The following FGGY variants were observed in gnomAD, a reference collection of about 807,000 sequenced individuals.
FGGY encodes the protein FGGY carbohydrate kinase domain-containing protein.
A neutral mutation model predicts 71.3 loss-of-function variants in FGGY; 72 were observed. The ratio of observed to expected loss-of-function variants is 1.01; its 90% CI spans 0.84 to 1.23. The LOEUF (loss-of-function observed/expected upper bound fraction) is 1.23. Ranked by LOEUF, FGGY falls within the 50% of genes most tolerant of loss-of-function variation. FGGY has a pLI of 0.00. For missense variants in FGGY, 668 were observed against 682.3 expected (o/e 0.98, Z 0.23); for synonymous variants, 251 against 250.3 (o/e 1.00, Z -0.02).
At chr1:59,476,862 A>AG (rs1315859465) in intron 6 of FGGY, among the ~76,000 whole-genome samples, 2 of 152,270 alleles carry the variant, frequency 1.3e-5, no homozygotes, top group African/African-American at 2.4e-5. Flanking sequence ...GAAAAAGCAC[A>AG]GGGAGAAGAG....
At chr1:59,510,863 C>T (rs2094502332) in intron 6 of FGGY, among the ~76,000 whole-genome samples, 1 of 152,130 alleles carries the variant, frequency 6.6e-6, no homozygotes, top group Admixed American at 6.5e-5. Flanking sequence ...TTAAATTAAT[C>T]TAGAAAAAGT....
At chr1:59,730,257 C>T (rs906957923) in intron 14 of FGGY, among the ~76,000 whole-genome samples, 28 of 151,752 alleles carry the variant, frequency 1.8e-4, no homozygotes, top group African/African-American at 6.5e-4. Context: ...GTCCTGTAAC[C>T]TCAGTTCTCT....
chr1:59,662,394 A>C (rs1286561246), intron 12 of FGGY, among the ~76,000 whole-genome samples: 5 of 152,010 alleles, frequency 3.3e-5, no homozygotes, highest in African/African-American at 9.7e-5. Flanking sequence ...ACCTGATTTA[A>C]CCTTACTACG....
At chr1:59,431,967 A>G (rs1051901551) in intron 5 of FGGY, among the ~76,000 whole-genome samples, 5 of 152,220 alleles carry the variant, frequency 3.3e-5, no homozygotes, top group Non-Finnish European at 7.3e-5. Context: ...GGAGTTGGTC[A>G]GAATGGGACT....
chr1:59,696,299 G>C (rs1287853702), intron 14 of FGGY, among the ~76,000 whole-genome samples: 1 of 152,104 alleles, frequency 6.6e-6, no homozygotes, highest in Non-Finnish European at 1.5e-5. Flanking sequence ...AAAGTACCTA[G>C]CATTAAACCT....
intron 5 of FGGY, among the ~76,000 whole-genome samples, chr1:59,444,612 C>T (rs368706822): frequency 3.9e-5 from 6 of 152,078 alleles, no homozygotes; most frequent in South Asian, 2.1e-4. Flanking sequence ...ATGAGGTGGG[C>T]GGTGGGCTAG....
At chr1:59,415,692 C>T (rs1450779902) in intron 5 of FGGY, among the ~76,000 whole-genome samples, 1 of 152,210 alleles carries the variant, frequency 6.6e-6, no homozygotes, top group Non-Finnish European at 1.5e-5. Flanking sequence ...TTCTCCACCA[C>T]TAGACTGTGG....
intron 14 of FGGY, among the ~76,000 whole-genome samples, chr1:59,692,712 G>T (rs2097603296): frequency 6.6e-6 from 1 of 152,022 alleles, no homozygotes; most frequent in African/African-American, 2.4e-5. Context: ...CTTCTTGCAT[G>T]GGCCGTCTTA....
intron 12 of FGGY, among the ~76,000 whole-genome samples, chr1:59,663,588 G>A (rs188870356): frequency 7.2e-5 from 11 of 152,186 alleles, no homozygotes; most frequent in East Asian, 1.9e-4. Flanking sequence ...TTAATGGGCC[G>A]TACATGTATT....
chr1:59,502,022 T>A (rs760567065), intron 6 of FGGY, among the ~76,000 whole-genome samples: 16 of 152,340 alleles, frequency 1.1e-4, no homozygotes, highest in Non-Finnish European at 2.1e-4. Context: ...AAACACTTAT[T>A]TGCATTATCT....
chr1:59,384,496 T>C (rs2059853009), intron 5 of FGGY, among the ~76,000 whole-genome samples: 1 of 152,192 alleles, frequency 6.6e-6, no homozygotes, highest in South Asian at 2.1e-4. Context: ...CAACACCTGC[T>C]CCATGGGGTT....
chr1:59,612,507 G>A (rs1220871931), intron 9 of FGGY, among the ~76,000 whole-genome samples: 1 of 152,104 alleles, frequency 6.6e-6, no homozygotes, highest in African/African-American at 2.4e-5. Flanking sequence ...CACTAAACAT[G>A]GAAAGGAACA....
intron 5 of FGGY, among the ~76,000 whole-genome samples, chr1:59,453,358 G>GA (rs1325227194): frequency 6.6e-6 from 1 of 152,086 alleles, no homozygotes; most frequent in Admixed American, 6.5e-5. Context: ...CTTTATTGGG[G>GA]AAAAAATCTG....
At chr1:59,731,034 C>T (rs1026745369) in intron 14 of FGGY, among the ~76,000 whole-genome samples, 9 of 152,222 alleles carry the variant, frequency 5.9e-5, no homozygotes, top group Admixed American at 5.9e-4. Context: ...TGGAGCAAGT[C>T]GGCTTGAGGC....
intron 5 of FGGY, among the ~76,000 whole-genome samples, chr1:59,427,574 T>C (rs570507853): frequency 6.6e-6 from 1 of 152,230 alleles, no homozygotes; most frequent in Non-Finnish European, 1.5e-5. Flanking sequence ...CAGGAACATC[T>C]GTAGTCTCTG....
intron 8 of FGGY, among the ~76,000 whole-genome samples, chr1:59,580,691 A>G (rs1047438054): frequency 6.6e-6 from 1 of 152,134 alleles, no homozygotes; most frequent in African/African-American, 2.4e-5. Context: ...AACTGCATGC[A>G]ACTGTATGAA....
intron 10 of FGGY, among the ~76,000 whole-genome samples, chr1:59,634,034 A>G (rs563124643): frequency 2.0e-5 from 3 of 152,332 alleles, no homozygotes; most frequent in Admixed American, 6.5e-5. Context: ...CATTAACAAC[A>G]AAGAGGGTAT....
chr1:59,317,709 CCA>C (rs1237200978), intron 1 of FGGY, among the ~76,000 whole-genome samples: 7 of 152,052 alleles, frequency 4.6e-5, no homozygotes, highest in African/African-American at 1.7e-4. Flanking sequence ...CTTTCAGGTT[CCA>C]GGTATGGAAA....
intron 4 of FGGY, among the ~76,000 whole-genome samples, chr1:59,371,412 C>A (rs535316138): frequency 1.3e-5 from 2 of 152,128 alleles, no homozygotes; most frequent in Non-Finnish European, 2.9e-5. Flanking sequence ...TAAAGCAAGT[C>A]CTTAGAGAAC....
Sources: allele counts gnomAD v4.1 joint callset (sites outside exome capture counted in the v4.1 genomes callset), GRCh38; gene constraint gnomAD v4.1.1; transcripts MANE v1.5; gene names NCBI Gene and HGNC (gene_info 2026-07-23, HGNC 2026-07-21).